AGBL1: variants seen among roughly 807,000 people sequenced by gnomAD.
The protein encoded by AGBL1 is AGBL carboxypeptidase 1, also known as cytosolic carboxypeptidase 4.
Under a neutral mutation model 118.9 loss-of-function variants are expected in AGBL1, and 130 were observed. The observed-to-expected ratio is 1.09, with a 90% CI of 0.95 to 1.26. The LOEUF (loss-of-function observed/expected upper bound fraction) is 1.26, where lower values mean the gene tolerates loss of function less well. AGBL1 is among the 50% of genes most tolerant of loss of function. The probability of loss-of-function intolerance (pLI) is 0.00; values close to 1 mark genes in which losing one functional copy is unlikely to be tolerated. For synonymous variants in AGBL1, 555 were observed against 478.9 expected, an observed-to-expected ratio of 1.16 and a Z score of -2.08; for missense variants, 1,584 against 1,298.1, an observed-to-expected ratio of 1.22 and a Z score of -3.38.
Position 86,591,115 on chromosome 15 carries a change from C to A in AGBL1, c.2994+36578C>A, listed in dbSNP as rs1219306268. ...TGATTTATCTCTCTTAACCTTGACG[C>A]TTAAAGGTGTCCCTCAATTTGTGTG... is the stretch of plus-strand genomic sequence containing the variant. On this transcript the variant is annotated intron_variant, in intron 21 of 22. Coordinates refer to ENST00000614907, the MANE Select transcript of AGBL1 (RefSeq NM_001386094.1). Among the ~76,000 whole-genome samples the A allele has an allele frequency of 3.9e-5, 6 of 152,282 alleles. No homozygotes were observed. The South Asian group carries it at 8.3e-4, about 21-fold the overall frequency.
chr15:86,677,678 C>A (rs2142559346), intron 22 of AGBL1, among the ~76,000 whole-genome samples: 1 of 152,274 alleles, frequency 6.6e-6, no homozygotes, highest in Admixed American at 6.5e-5. Flanking sequence ...AGCAATGGCT[C>A]AACACCTCCC....
At chr15:86,823,393 A>G (rs2078967652) in intron 22 of AGBL1, among the ~76,000 whole-genome samples, 1 of 152,180 alleles carries the variant, frequency 6.6e-6, no homozygotes, top group Non-Finnish European at 1.5e-5. Flanking sequence ...GCAGGACAAC[A>G]GTCTGTCAGT....
intron 18 of AGBL1, among the ~76,000 whole-genome samples, chr15:86,511,202 GA>G (rs1441259748): frequency 6.6e-6 from 1 of 152,002 alleles, no homozygotes. Context: ...TTACATAGAA[GA>G]AAACCACAAG....
chr15:86,604,778 C>CT (rs60373077), intron 21 of AGBL1, among the ~76,000 whole-genome samples: 4 of 145,530 alleles, frequency 2.7e-5, no homozygotes, highest in African/African-American at 7.6e-5. Context: ...CTTTTTCTTT[C>CT]TTTTTTTTTC....
At chr15:86,104,571 A>C (rs1373912546) in intron 1 of AGBL1, among the ~76,000 whole-genome samples, 1 of 151,968 alleles carries the variant, frequency 6.6e-6, no homozygotes, top group Non-Finnish European at 1.5e-5. Context: ...GGGCACATGA[A>C]AACGCACAGA....
At chr15:86,475,842 C>T (rs543088337) in intron 18 of AGBL1, among the ~76,000 whole-genome samples, 1 of 152,172 alleles carries the variant, frequency 6.6e-6, no homozygotes. Context: ...GGGTTACCCA[C>T]AAAGGGAAGC....
chr15:86,404,215 C>G (rs1434506546), intron 18 of AGBL1, among the ~76,000 whole-genome samples: 1 of 152,312 alleles, frequency 6.6e-6, no homozygotes, highest in Admixed American at 6.5e-5. Context: ...TTCTGCTATT[C>G]TTGCCCGGGA....
intron 22 of AGBL1, among the ~76,000 whole-genome samples, chr15:86,725,757 A>G (rs1369120327): frequency 2.0e-5 from 3 of 152,214 alleles, no homozygotes; most frequent in African/African-American, 7.2e-5. Flanking sequence ...TGCCACTGGT[A>G]GGTATGCATT....
chr15:86,185,770 G>T (rs906305106), intron 5 of AGBL1, among the ~76,000 whole-genome samples: 2 of 151,296 alleles, frequency 1.3e-5, no homozygotes, highest in Admixed American at 6.6e-5. Context: ...GTGGGGGGCT[G>T]GGGGAGGGAT....
chr15:86,690,490 T>C (rs1375234874), intron 22 of AGBL1, among the ~76,000 whole-genome samples: 1 of 152,216 alleles, frequency 6.6e-6, no homozygotes, highest in Non-Finnish European at 1.5e-5. Flanking sequence ...TTCACCTTTT[T>C]AAACAGGCAA....
rs2081208790 is a variant in AGBL1 at position 86,979,566 on chromosome 15, GCAA to G, written c.3222-8420_3222-8418del. Among the ~76,000 whole-genome samples, 6 of 151,978 alleles carry G rather than the reference GCAA, an allele frequency of 3.9e-5. No homozygotes were observed. In the East Asian group the frequency reaches 1.2e-3, roughly 30 times the overall value. On this transcript the variant is annotated intron_variant, in intron 23 of 24. Transcript: ENST00000441037. The stretch of plus-strand genomic sequence containing the variant: ...TGCAGTGGCGCGATCTCGGCTCACT[GCAA>G]GCTCCGCCTCCCGGGTTCACGCCAT...
chr15:86,200,562 C>CCT (rs1491108580), intron 5 of AGBL1, among the ~76,000 whole-genome samples: 47 of 95,120 alleles, frequency 4.9e-4, no homozygotes, highest in African/African-American at 7.4e-4. Flanking sequence ...CCCCCCCCCC[C>CCT]TTTTTTTTTT....
At chr15:87,007,907 G>T (rs909521774) in intron 24 of AGBL1, among the ~76,000 whole-genome samples, 2 of 152,156 alleles carry the variant, frequency 1.3e-5, no homozygotes, top group Non-Finnish European at 2.9e-5. Flanking sequence ...GACTCCGAAT[G>T]ATATTTGTTG....
At position 86,907,779 on chromosome 15, in the gene AGBL1, C is replaced by G. The variant is rs2080301002; in HGVS notation, c.*485C>G. On this transcript the variant is annotated 3_prime_UTR_variant, in exon 23 of 23. Coordinates refer to ENST00000614907, the MANE Select transcript of AGBL1 (RefSeq NM_001386094.1). ...CACCCCAGAACAAACCACTGAGACTCTGGGGATCCTGGCAGGGTCTTCAGG... is the reference window on the plus strand; with the variant it reads ...CACCCCAGAACAAACCACTGAGACTGTGGGGATCCTGGCAGGGTCTTCAGG... The G allele has an allele frequency of 3.3e-5, 5 of 152,186 alleles. No homozygotes were observed. The highest frequency in any genetic ancestry group is 2.0e-4 in the Admixed American group (3 of 15,272). 9.4% of individuals were successfully genotyped at this position (152,186 alleles called of 1,614,324 possible).
chr15:86,929,711 G>A lies in AGBL1; in HGVS notation c.3222-58276G>A, dbSNP rs74027176. ...AGCCTGGTGATCTTCAGAGGAATCC[G>A]GGCTTTCCAGAGAGCCAGCGTGTTT... is the stretch of plus-strand genomic sequence containing the variant. On this transcript the variant is annotated intron_variant, in intron 23 of 24. Transcript: ENST00000441037. Among the ~76,000 whole-genome samples, 446 of 152,276 alleles carry A rather than the reference G, an allele frequency of 2.9e-3. 1 individual carries two copies. The highest frequency in any genetic ancestry group is 9.8e-3 in the African/African-American group (408 of 41,558).
At chr15:86,935,587 G>T (rs1282780115) in intron 23 of AGBL1, among the ~76,000 whole-genome samples, 1 of 152,152 alleles carries the variant, frequency 6.6e-6, no homozygotes, top group Non-Finnish European at 1.5e-5. Flanking sequence ...ACCCTGAGTG[G>T]ACCAACACAG....
chr15:86,513,244 T>G (rs1301791329), intron 18 of AGBL1, among the ~76,000 whole-genome samples: 1 of 151,998 alleles, frequency 6.6e-6, no homozygotes, highest in African/African-American at 2.4e-5. Flanking sequence ...TTCCTCAGGT[T>G]TTTTTTCTGT....
At chr15:86,224,308 C>T (rs923714060) in intron 5 of AGBL1, among the ~76,000 whole-genome samples, 1 of 152,098 alleles carries the variant, frequency 6.6e-6, no homozygotes. Context: ...ATTTTTCATT[C>T]TCATATGTGT....
intron 1 of AGBL1, chr15:86,080,417 G>C (rs991454109): frequency 1.2e-5 from 2 of 164,074 alleles, no homozygotes; most frequent in African/African-American, 4.8e-5. Flanking sequence ...GGTAGGTGAG[G>C]AGAGGACCCT....
Sources: allele counts gnomAD v4.1 joint callset (sites outside exome capture counted in the v4.1 genomes callset), GRCh38; gene constraint gnomAD v4.1.1; transcripts MANE v1.5; gene names NCBI Gene and HGNC (gene_info 2026-07-23, HGNC 2026-07-21).